SCAF8: variants seen among roughly 807,000 people sequenced by gnomAD.
SCAF8 encodes SR-related and CTD-associated factor 8.
In SCAF8, 23 loss-of-function variants were observed where a neutral mutation model predicts 140.5. The ratio of observed to expected loss-of-function variants is 0.16; its 90% CI spans 0.12 to 0.23. SCAF8 has a LOEUF of 0.23. SCAF8 is among the 10% of genes least tolerant of loss of function. The probability of loss-of-function intolerance (pLI) is 1.00; values close to 1 mark genes in which losing one functional copy is unlikely to be tolerated. For missense variants in SCAF8, 1,397 were observed against 1,555.7 expected, an observed-to-expected ratio of 0.90 and a Z score of 1.72; for synonymous variants, 575 against 528.9, an observed-to-expected ratio of 1.09 and a Z score of -1.20.
chr6:154,806,024 C>G (rs1317887355), intron 9 of SCAF8, among the ~76,000 whole-genome samples: 1 of 152,004 alleles, frequency 6.6e-6, no homozygotes, highest in African/African-American at 2.4e-5. Flanking sequence ...CCATTTTATC[C>G]CAGAGGAAGT....
chr6:154,810,851 A>G (rs911855956), intron 12 of SCAF8, among the ~76,000 whole-genome samples: 3 of 152,226 alleles, frequency 2.0e-5, no homozygotes, highest in South Asian at 2.1e-4. Flanking sequence ...CTAAGAGTTT[A>G]CATATGGGCA....
intron 1 of SCAF8, among the ~76,000 whole-genome samples, chr6:154,765,889 C>G (rs1240230347): frequency 6.6e-6 from 1 of 152,062 alleles, no homozygotes; most frequent in Admixed American, 6.6e-5. Context: ...GTACAGCTGA[C>G]CCATGAACAA....
At chr6:154,804,947 A>G (rs1777870614) in intron 8 of SCAF8, among the ~76,000 whole-genome samples, 1 of 152,316 alleles carries the variant, frequency 6.6e-6, no homozygotes, top group African/African-American at 2.4e-5. Flanking sequence ...ATGGTCAATT[A>G]CAATGGTAGA....
At position 154,733,777 on chromosome 6, in the gene SCAF8, G is replaced by A. The variant is rs2114777725; in HGVS notation, c.-124G>A. ...TTCCACTCCGCCCCGAGGTCGCAGC[G>A]GCCCGCTCTCCCGCCAGCGCCCCCT... On this transcript the variant is annotated 5_prime_UTR_variant, in exon 1 of 20. Transcript: ENST00000367178. 2 of 1,374,940 alleles carry A rather than the reference G, an allele frequency of 1.5e-6. No individual in the cohort carries two copies. Among genetic ancestry groups the A allele is most frequent in the Non-Finnish European group, 1.9e-6 (2 of 1,067,366 alleles). 85.2% of individuals were successfully genotyped at this position (1,374,940 alleles called of 1,614,324 possible).
intron 1 of SCAF8, among the ~76,000 whole-genome samples, chr6:154,770,417 C>CTCTCTCTG (rs1175302764): frequency 3.0e-4 from 31 of 101,928 alleles, no homozygotes; most frequent in African/African-American, 1.3e-3. Context: ...CTCTCTCTCT[C>CTCTCTCTG]TCTCTCTAGT....
chr6:154,833,059 G>A lies in SCAF8; in HGVS notation c.3480G>A (p.Arg1160=), dbSNP rs752559661. 1 of 1,614,118 alleles carries A rather than the reference G, an allele frequency of 6.2e-7. No homozygotes were observed. Among genetic ancestry groups the A allele is most frequent in the Non-Finnish European group, 8.5e-7 (1 of 1,180,006 alleles). The change falls in exon 20 of 20, where the codon AGG becomes AGA. Residue 1160 remains arginine, a synonymous_variant. Coordinates refer to ENST00000367178, the MANE Select transcript of SCAF8 (RefSeq NM_014892.5). ...DDRRRPWERQ[R]DRDDRDFDFC... ...GCAGAAGACCCTGGGAGAGGCAAAG[G>A]GATAGGGATGACAGAGATTTTGATT...
At chr6:154,779,771 G>T (rs1777028761) in intron 3 of SCAF8, among the ~76,000 whole-genome samples, 1 of 91,196 alleles carries the variant, frequency 1.1e-5, no homozygotes, top group Non-Finnish European at 1.9e-5. Context: ...GTGTGTGTGT[G>T]TGTGTGTGTG....
intron 4 of SCAF8, among the ~76,000 whole-genome samples, chr6:154,792,453 A>G (rs1219825409): frequency 6.6e-6 from 1 of 152,234 alleles, no homozygotes; most frequent in Non-Finnish European, 1.5e-5. Flanking sequence ...GTTAAAATCA[A>G]CTATAAATAT....
intron 2 of SCAF8, among the ~76,000 whole-genome samples, chr6:154,775,244 CAGAG>C (rs1355648058): frequency 1.3e-5 from 2 of 152,080 alleles, no homozygotes; most frequent in East Asian, 1.9e-4. Context: ...GGCAGAAAAT[CAGAG>C]AGAACGACAG....
chr6:154,800,291 G>A (rs573930919), intron 6 of SCAF8, among the ~76,000 whole-genome samples: 1 of 151,572 alleles, frequency 6.6e-6, no homozygotes, highest in African/African-American at 2.4e-5. Flanking sequence ...CCTGTCCAAT[G>A]TCTAGGTTGT....
In SCAF8 at chr6:154,792,836, G is replaced by T; in HGVS notation, c.335G>T (p.Arg112Ile). 1 of 1,603,262 alleles carries T rather than the reference G, an allele frequency of 6.2e-7. No homozygotes were observed. The highest frequency in any genetic ancestry group is 8.5e-7 in the Non-Finnish European group (1 of 1,175,444). Reference protein sequence around the residue: ...CPGDDKSKIVRVLNLWQKNNV... With the variant: ...CPGDDKSKIVIVLNLWQKNNV... ...TTTTTTCTCTAGAGTAAAATAGTGA[G>T]AGTACTAAACTTATGGCAGAAGAAT... is the stretch of plus-strand genomic sequence containing the variant. Residue 112 changes from arginine (R) to isoleucine (I), a missense_variant, in exon 5 of 20, where the codon AGA (arginine) becomes ATA (isoleucine). Arg to Ile is a moderately conservative substitution (Grantham distance 97). Coordinates refer to ENST00000367178, the MANE Select transcript of SCAF8 (RefSeq NM_014892.5).
At chr6:154,745,144 C>CCCTT (rs1200755363) in intron 1 of SCAF8, among the ~76,000 whole-genome samples, 5 of 152,170 alleles carry the variant, frequency 3.3e-5, no homozygotes, top group Non-Finnish European at 1.5e-5. Context: ...TAATGTGAAT[C>CCCTT]AATTGGTTAC....
At chr6:154,791,456 A>G (rs978399813) in intron 4 of SCAF8, among the ~76,000 whole-genome samples, 27 of 152,332 alleles carry the variant, frequency 1.8e-4, no homozygotes, top group Admixed American at 8.5e-4. Context: ...TAGTATCGCT[A>G]TAAGAAGAGC....
At chr6:154,812,832 A>G (rs369752187) in intron 12 of SCAF8, among the ~76,000 whole-genome samples, 1 of 152,134 alleles carries the variant, frequency 6.6e-6, no homozygotes. Context: ...ATAATATTGA[A>G]AGAGATGGGA....
intron 13 of SCAF8, among the ~76,000 whole-genome samples, chr6:154,817,120 C>T (rs1778275576): frequency 6.6e-6 from 1 of 151,358 alleles, no homozygotes; most frequent in Non-Finnish European, 1.5e-5. Flanking sequence ...TTTACCCCTA[C>T]CTTTAAACTA....
intron 3 of SCAF8, among the ~76,000 whole-genome samples, chr6:154,781,327 A>G (rs1583028949): frequency 6.6e-6 from 1 of 152,238 alleles, no homozygotes; most frequent in East Asian, 1.9e-4. Context: ...CCACTGCTCA[A>G]GGAAATCAGA....
At chr6:154,802,270 A>AC in intron 7 of SCAF8, 123 bp downstream of exon 7, 1 of 538,762 alleles carries the variant, frequency 1.9e-6, no homozygotes, top group East Asian at 3.6e-5. Flanking sequence ...ACTGTATAAG[A>AC]CAGTCTGAAT....
At chr6:154,778,377 A>G (rs1463601373) in intron 3 of SCAF8, among the ~76,000 whole-genome samples, 1 of 152,230 alleles carries the variant, frequency 6.6e-6, no homozygotes, top group East Asian at 1.9e-4. Context: ...TCAGTCATTC[A>G]ACTGGCTAGG....
intron 18 of SCAF8, among the ~76,000 whole-genome samples, chr6:154,829,216 G>A (rs946291578): frequency 6.7e-6 from 1 of 150,070 alleles, no homozygotes; most frequent in Non-Finnish European, 1.5e-5. Context: ...TAGATGTGGT[G>A]CCAGTTTCAT....
Sources: gnomAD v4.1 joint callset for allele counts (sites outside exome capture counted in the v4.1 genomes callset) on GRCh38, gnomAD v4.1.1 for gene constraint, MANE v1.5 for transcripts, NCBI Gene and HGNC (gene_info 2026-07-23, HGNC 2026-07-21) for gene names.